The following KLF7 variants were observed in gnomAD, a reference collection of about 807,000 sequenced individuals.
KLF7 encodes the protein KLF transcription factor 7, also known as Krueppel-like factor 7.
A neutral mutation model predicts 27.3 loss-of-function variants in KLF7; 2 were observed. The ratio of observed to expected loss-of-function variants is 0.07; its 90% CI spans 0.03 to 0.23. The LOEUF (loss-of-function observed/expected upper bound fraction) is 0.23. Among genes scored for constraint, KLF7 ranks in the 10% least tolerant of loss-of-function variants. KLF7 has a pLI of 1.00. For missense variants in KLF7, 221 were observed against 394.1 expected (o/e 0.56, Z 3.72); for synonymous variants, 165 against 162.4 (o/e 1.02, Z -0.12).
intron 3 of KLF7, among the ~76,000 whole-genome samples, chr2:207,083,978 G>C (rs1174193881): frequency 6.6e-6 from 1 of 152,220 alleles, no homozygotes; most frequent in African/African-American, 2.4e-5. Flanking sequence ...AAAACCTTGA[G>C]TTTAGCCCAG....
At chr2:207,113,951 A>C (rs1455163808) in intron 2 of KLF7, among the ~76,000 whole-genome samples, 4 of 152,216 alleles carry the variant, frequency 2.6e-5, no homozygotes, top group Admixed American at 2.6e-4. Flanking sequence ...TTTAGTTGTA[A>C]GCCTTGAGAC....
At chr2:207,085,598 A>T (rs1171350659) in intron 3 of KLF7, among the ~76,000 whole-genome samples, 3 of 152,216 alleles carry the variant, frequency 2.0e-5, no homozygotes, top group Non-Finnish European at 4.4e-5. Context: ...AGAAGTCACA[A>T]AACCCAGTGT....
intron 1 of KLF7, among the ~76,000 whole-genome samples, chr2:207,143,163 CA>C (rs1010141068): frequency 7.9e-5 from 12 of 151,660 alleles, no homozygotes; most frequent in Non-Finnish European, 1.6e-4. Context: ...TAAATACTAT[CA>C]AAAAAAATCT....
At chr2:207,125,211 G>C (rs746840017) in intron 1 of KLF7, among the ~76,000 whole-genome samples, 4 of 152,064 alleles carry the variant, frequency 2.6e-5, no homozygotes, top group Admixed American at 2.6e-4. Context: ...ATTTTCACCC[G>C]ATAAAGAAAC....
intron 2 of KLF7, among the ~76,000 whole-genome samples, chr2:207,111,391 G>A (rs935550628): frequency 5.3e-5 from 8 of 152,206 alleles, no homozygotes; most frequent in Admixed American, 2.6e-4. Context: ...GCTACAGGCT[G>A]AGAGGGGCTG....
intron 2 of KLF7, among the ~76,000 whole-genome samples, chr2:207,093,285 G>C (rs562547343): frequency 6.6e-6 from 1 of 152,154 alleles, no homozygotes; most frequent in Admixed American, 6.5e-5. Flanking sequence ...ATCGTTCTCA[G>C]AAAAAAAGTC....
intron 1 of KLF7, chr2:207,133,948 G>C (rs1042340826): frequency 8.0e-5 from 53 of 664,166 alleles, no homozygotes; most frequent in Admixed American, 3.9e-4. Flanking sequence ...GGAAAGGTCT[G>C]ACAAGGCATT....
rs1167410146 is a variant in KLF7 at position 207,080,956 on chromosome 2, T to A, written c.*257A>T. 2 of 438,854 alleles carry A rather than the reference T, an allele frequency of 4.6e-6. No homozygotes were observed. The highest frequency in any genetic ancestry group is 8.0e-6 in the Non-Finnish European group (2 of 249,024). 27.2% of individuals were successfully genotyped at this position (438,854 alleles called of 1,614,324 possible). A position where few individuals can be genotyped will look rare whatever the true frequency, so the allele number is the denominator to read the frequency against. The stretch of plus-strand genomic sequence containing the variant: ...AGTTCACCTGGTTTCCTTCTTCATC[T>A]TCTTCCATCTGGCTAGGGCAAGGCA... On this transcript the variant is annotated 3_prime_UTR_variant, in exon 4 of 4. Coordinates refer to ENST00000309446, the MANE Select transcript of KLF7 (RefSeq NM_003709.4).
At chr2:207,160,698 T>C (rs2078522027) in intron 1 of KLF7, among the ~76,000 whole-genome samples, 2 of 152,330 alleles carry the variant, frequency 1.3e-5, no homozygotes, top group East Asian at 1.9e-4. Context: ...AATGTGAAGA[T>C]TCATAAAAGA....
chr2:207,100,632 G>C (rs1293883098), intron 2 of KLF7, among the ~76,000 whole-genome samples: 2 of 152,100 alleles, frequency 1.3e-5, no homozygotes, highest in Non-Finnish European at 1.5e-5. Flanking sequence ...TCACTCGCTG[G>C]GATGTCCCCT....
chr2:207,134,093 A>G, intron 1 of KLF7: 7 of 1,534,158 alleles, frequency 4.6e-6, no homozygotes, highest in Non-Finnish European at 5.2e-6. Flanking sequence ...ATGCCGAACC[A>G]GTTACATCAT....
intron 3 of KLF7, 51 bp downstream of exon 3, chr2:207,088,407 C>T (rs1225957343): frequency 1.3e-6 from 2 of 1,587,656 alleles, no homozygotes; most frequent in Non-Finnish European, 1.7e-6. Flanking sequence ...CACCCTCCAA[C>T]CCACTTCCCC....
chr2:207,099,259 T>C (rs1252361173), intron 2 of KLF7, among the ~76,000 whole-genome samples: 1 of 151,776 alleles, frequency 6.6e-6, no homozygotes. Context: ...GACACCCTAC[T>C]GGGGAGGCTT....
chr2:207,097,874 A>G (rs2076669096), intron 2 of KLF7, among the ~76,000 whole-genome samples: 1 of 152,220 alleles, frequency 6.6e-6, no homozygotes, highest in Non-Finnish European at 1.5e-5. Context: ...AAATGTATGC[A>G]GTCTTCTAGT....
chr2:207,149,534 C>A (rs143438394), intron 1 of KLF7, among the ~76,000 whole-genome samples: 4 of 152,348 alleles, frequency 2.6e-5, no homozygotes, highest in Admixed American at 2.6e-4. Context: ...GTTTTGGCAA[C>A]AGGAAGACAT....
chr2:207,142,920 T>A (rs921821940), intron 1 of KLF7, among the ~76,000 whole-genome samples: 12 of 152,228 alleles, frequency 7.9e-5, no homozygotes, highest in Non-Finnish European at 1.5e-4. Flanking sequence ...TAAAAGGCAG[T>A]AGCTGTTTCT....
intron 2 of KLF7, among the ~76,000 whole-genome samples, chr2:207,099,597 T>TAA (rs35506482): frequency 0.093 from 9,250 of 99,734 alleles, 481 homozygotes; most frequent in Middle Eastern, 0.15. Context: ...TCAATGGTAT[T>TAA]AAAAAAAAAA....
At chr2:207,133,293 T>G (rs2077687912) in intron 1 of KLF7, among the ~76,000 whole-genome samples, 1 of 152,142 alleles carries the variant, frequency 6.6e-6, no homozygotes, top group South Asian at 2.1e-4. Context: ...AATTCACATC[T>G]TAAAGAGTCA....
chr2:207,158,322 C>G (rs1297114747), intron 1 of KLF7, among the ~76,000 whole-genome samples: 2 of 152,030 alleles, frequency 1.3e-5, no homozygotes, highest in Non-Finnish European at 2.9e-5. Context: ...CTTCATCCAT[C>G]AGACCTCAAA....
Sources: allele counts gnomAD v4.1 joint callset (sites outside exome capture counted in the v4.1 genomes callset), GRCh38; gene constraint gnomAD v4.1.1; transcripts MANE v1.5; gene names NCBI Gene and HGNC (gene_info 2026-07-23, HGNC 2026-07-21).